ALS2: variants seen among roughly 807,000 people sequenced by gnomAD.
ALS2 encodes the protein alsin Rho guanine nucleotide exchange factor ALS2.
ALS2 carries 117 observed loss-of-function variants against 203.4 expected under a neutral mutation model. The observed-to-expected ratio is 0.58, with a 90% confidence interval of 0.50 to 0.67. ALS2 has a LOEUF of 0.67. ALS2 is among the 30% of genes least tolerant of loss of function. The pLI is 0.00. For missense variants in ALS2, 1,715 were observed against 1,989.4 expected (o/e 0.86, Z 2.62); for synonymous variants, 718 against 725.9 (o/e 0.99, Z 0.17).
chr2:201,702,778 A>C (rs1376778587), intron 33 of ALS2, among the ~76,000 whole-genome samples: 1 of 152,178 alleles, frequency 6.6e-6, no homozygotes, highest in African/African-American at 2.4e-5. Context: ...TCTGTGGCCA[A>C]TATTTTCCCC....
intron 23 of ALS2, 75 bp downstream of exon 23, chr2:201,722,968 C>A (rs146265331): frequency 3.3e-6 from 4 of 1,199,828 alleles, no homozygotes; most frequent in Admixed American, 4.0e-5. Flanking sequence ...GCATGTAAAT[C>A]AGCTATTTTT....
chr2:201,754,661 C>G lies in ALS2; in HGVS notation c.1482G>C (p.Arg494Ser). The change falls in exon 6 of 34, where the codon AGG becomes AGC. Residue 494 changes from arginine to serine, a missense_variant. Physicochemically the swap from Arg to Ser is moderately radical, Grantham distance 110. This residue lies in a region of ALS2 where 1,227 missense variants were observed against 1,413.5 expected (regional missense o/e 0.87). Transcript: ENST00000264276. Reference sequence around the variant, plus strand: ...TCACCCGTGCAGCCTTTCTTAAGAGCCTGGGGGAAACTGAAAACCAACCAG... The same window carrying G: ...TCACCCGTGCAGCCTTTCTTAAGAGGCTGGGGGAAACTGAAAACCAACCAG... ...LPGLLSQVSP[R>S]LLRKAARVKT... 2 of 1,614,074 alleles carry G rather than the reference C, an allele frequency of 1.2e-6. No individual in the cohort carries two copies. The highest frequency in any genetic ancestry group is 1.7e-6 in the Non-Finnish European group (2 of 1,179,998).
In ALS2 at chr2:201,723,396, C is replaced by T. The variant is rs1160534998; in HGVS notation, c.3558G>A (p.Gly1186=). ...CAAACTGGGTAACCACCACACCATTCCCTTGACACACATCATCTTGCCACA... is the reference window on the plus strand; with the variant it reads ...CAAACTGGGTAACCACCACACCATTTCCTTGACACACATCATCTTGCCACA... ...MGMWQDDVCQ[G]NGVVVTQFGL... The change falls in exon 22 of 34, where the codon GGG becomes GGA. Residue 1186 remains glycine (G), a synonymous_variant. Coordinates refer to ENST00000264276, the MANE Select transcript of ALS2 (RefSeq NM_020919.4). The T allele has an allele frequency of 3.1e-6, 5 of 1,613,996 alleles. No individual in the cohort carries two copies. Among genetic ancestry groups the T allele is most frequent in the Non-Finnish European group, 4.2e-6 (5 of 1,180,008 alleles).
chr2:201,726,529 T>TCAGGC lies in ALS2; in HGVS notation c.3198_3202dup (p.Asp1068GlyfsTer29). Reference sequence around the variant, plus strand: ...GAACATGCCAGAATACATCTTTCCATCAGGCCACTTCAAAACCCCTCTGGA... The same window carrying TCAGGC: ...GAACATGCCAGAATACATCTTTCCATCAGGCCAGGCCACTTCAAAACCCCTCTGGA... On this transcript the variant is annotated frameshift_variant, in exon 19 of 34. Transcript: ENST00000264276. LOFTEE classifies it high-confidence loss of function. 1.2e-6 allele frequency: 2 copies of TCAGGC among 1,614,182 alleles called. No homozygotes were observed. Among genetic ancestry groups the TCAGGC allele is most frequent in the Non-Finnish European group, 1.7e-6 (2 of 1,179,994 alleles).
At chr2:201,752,607 G>A (rs1027953298) in intron 7 of ALS2, among the ~76,000 whole-genome samples, 1 of 152,046 alleles carries the variant, frequency 6.6e-6, no homozygotes, top group African/African-American at 2.4e-5. Flanking sequence ...AGGAATTGGT[G>A]AAGCACCATT....
chr2:201,778,637 A>G (rs1264099178), intron 1 of ALS2: 1 of 152,200 alleles, frequency 6.6e-6, no homozygotes, highest in African/African-American at 2.4e-5. Context: ...TACAAAACCG[A>G]GTACTTTCTT....
intron 3 of ALS2, among the ~76,000 whole-genome samples, chr2:201,764,677 AT>A (rs1693983167): frequency 2.0e-5 from 3 of 151,202 alleles, no homozygotes; most frequent in East Asian, 1.9e-4. Flanking sequence ...AAATAAATAA[AT>A]AAATAAAAGT....
rs767478312 is a variant in ALS2 at position 201,761,211 on chromosome 2, C to T, written c.783G>A (p.Val261=). 1.2e-6 allele frequency: 2 copies of T among 1,614,170 alleles called. No homozygotes were observed. The highest frequency in any genetic ancestry group is 1.3e-5 in the African/African-American group (1 of 75,020). The change falls in exon 4 of 34, where the codon GTG becomes GTA. Residue 261 remains valine (V), a synonymous_variant. Coordinates refer to ENST00000264276, the MANE Select transcript of ALS2 (RefSeq NM_020919.4). ...TTTCTGCCTGAGATTCTGTCAGTGT[C>T]ACACCTAATGGGCAACAATGACTGT... ...ISDSHCCPLG[V]TLTESQAENH... is the part of the protein sequence containing the mutation.
chr2:201,733,011 T>C (rs996371731), intron 13 of ALS2, among the ~76,000 whole-genome samples: 4 of 152,224 alleles, frequency 2.6e-5, no homozygotes, highest in Non-Finnish European at 4.4e-5. Flanking sequence ...TAGCATCTGA[T>C]AGAGTCTCAA....
At chr2:201,771,608 A>G (rs1694386543) in intron 1 of ALS2, among the ~76,000 whole-genome samples, 1 of 152,234 alleles carries the variant, frequency 6.6e-6, no homozygotes, top group African/African-American at 2.4e-5. Context: ...CCAGGAAAAG[A>G]AAGTAAATGA....
At chr2:201,736,244 T>C (rs1052283222) in intron 12 of ALS2, among the ~76,000 whole-genome samples, 1 of 152,080 alleles carries the variant, frequency 6.6e-6, no homozygotes, top group African/African-American at 2.4e-5. Context: ...TTGTGGTGTA[T>C]TAAGATCAAG....
At chr2:201,705,554 T>C in intron 29 of ALS2, 93 bp from the exon 30 acceptor site, 4 of 968,090 alleles carry the variant, frequency 4.1e-6, no homozygotes, top group South Asian at 1.4e-5. Context: ...GGCTTCCTTG[T>C]CCCCATTAAA....
chr2:201,701,835 C>G lies in ALS2; in HGVS notation c.*16G>C. ...ACTCTGTAGTAGATAATCCAGTTTT[C>G]AAGCTGTTATGCAGCCTAGTTAAGC... On this transcript the variant is annotated 3_prime_UTR_variant, in exon 34 of 34. Transcript: ENST00000264276. The G allele has an allele frequency of 6.2e-7, 1 of 1,613,198 alleles. No homozygotes were observed. Among genetic ancestry groups the G allele is most frequent in the Non-Finnish European group, 8.5e-7 (1 of 1,179,346 alleles).
At chr2:201,754,478 A>G (rs1693262864) in intron 6 of ALS2, 25 bp downstream of exon 6, 1 of 1,613,982 alleles carries the variant, frequency 6.2e-7, no homozygotes, top group Non-Finnish European at 8.5e-7. Flanking sequence ...GCCAACTTCT[A>G]TCGGTAAATG....
chr2:201,770,831 ATTCT>A (rs1255916853), intron 1 of ALS2, among the ~76,000 whole-genome samples: 2 of 152,126 alleles, frequency 1.3e-5, no homozygotes, highest in African/African-American at 2.4e-5. Flanking sequence ...AAGGAAAAGA[ATTCT>A]TTCCTAGAGC....
In ALS2 at chr2:201,727,740, C is replaced by A. The variant is rs1691281692; in HGVS notation, c.2877G>T (p.Leu959=). Residue 959 remains leucine, a synonymous_variant, in exon 16 of 34, where the codon CTG becomes CTT. Transcript: ENST00000264276. ...STHHVFPLAT[L]WAEPLSEEAG... ...CTTCTTCAGACAGTGGCTCTGCCCA[C>A]AGCGTGGCCAGAGGGAAAACATGGT... 2.6e-6 allele frequency: 4 copies of A among 1,551,690 alleles called. No homozygotes were observed. The highest frequency in any genetic ancestry group is 3.5e-6 in the Non-Finnish European group (4 of 1,147,012).
chr2:201,725,470 A>T lies in ALS2; in HGVS notation c.3249-16T>A. The T allele has an allele frequency of 6.3e-7, 1 of 1,588,730 alleles. No individual in the cohort carries two copies. Among genetic ancestry groups the T allele is most frequent in the Non-Finnish European group, 8.6e-7 (1 of 1,157,190 alleles). On this transcript the variant is annotated splice_polypyrimidine_tract_variant and intron_variant, in intron 19 of 33. Transcript: ENST00000264276. ...TTCTCCATACCTGCCATGAAAAAGA[A>T]AAAATAACAAAAGAAGATGCATTTA...
intron 8 of ALS2, among the ~76,000 whole-genome samples, chr2:201,748,069 T>TA (rs1257468344): frequency 6.6e-6 from 1 of 151,740 alleles, no homozygotes; most frequent in Non-Finnish European, 1.5e-5. Flanking sequence ...CACACACAAA[T>TA]ACACTCTCTA....
chr2:201,741,966 C>T, intron 10 of ALS2, 112 bp from the exon 11 acceptor site: 2 of 989,110 alleles, frequency 2.0e-6, no homozygotes, highest in South Asian at 1.4e-5. Context: ...TTGCCATGTG[C>T]TCTCAACTAA....
Sources: gnomAD v4.1 joint callset for allele counts (sites outside exome capture counted in the v4.1 genomes callset) on GRCh38, gnomAD v4.1.1 for gene constraint, gnomAD v4.1.1 regional missense constraint, MANE v1.5 for transcripts, NCBI Gene and HGNC (gene_info 2026-07-23, HGNC 2026-07-21) for gene names.